KCTD1: variants seen among roughly 807,000 people sequenced by gnomAD.
KCTD1 encodes potassium channel tetramerization domain containing 1.
KCTD1 carries 24 observed loss-of-function variants against 66.0 expected under a neutral mutation model. That is an observed-to-expected ratio of 0.36 (90% CI 0.26 to 0.51). The LOEUF is 0.51. Ranked by LOEUF, KCTD1 falls within the 20% of genes least tolerant of loss-of-function variation. KCTD1 has a pLI of 0.95. For synonymous variants in KCTD1, 511 were observed against 517.2 expected (o/e 0.99, Z 0.16); for missense variants, 943 against 1,205.2 (o/e 0.78, Z 3.22).
chr18:26,526,339 C>A (rs1449903050), intron 1 of KCTD1, among the ~76,000 whole-genome samples: 2 of 152,156 alleles, frequency 1.3e-5, no homozygotes, highest in African/African-American at 4.8e-5. Context: ...AAGAAATCTG[C>A]GGGATTCCTT....
chr18:26,631,477 G>A (rs369856557), upstream of KCTD1, among the ~76,000 whole-genome samples: 19,735 of 152,052 alleles, frequency 0.13, 1,409 homozygotes, highest in Non-Finnish European at 0.15. Context: ...CATAGAAAAG[G>A]TACAGTAAAA....
At chr18:26,526,297 C>A (rs977316476) in intron 1 of KCTD1, among the ~76,000 whole-genome samples, 2 of 152,188 alleles carry the variant, frequency 1.3e-5, no homozygotes, top group African/African-American at 4.8e-5. Flanking sequence ...GCACAATGAA[C>A]CTCCCTGGGC....
chr18:26,606,489 G>C (rs1045286792), intron 1 of KCTD1, among the ~76,000 whole-genome samples: 1 of 152,198 alleles, frequency 6.6e-6, no homozygotes, highest in African/African-American at 2.4e-5. Context: ...GGCTGGCCTC[G>C]TGACTTGCTG....
At chr18:26,562,413 G>A (rs946765281) in intron 1 of KCTD1, among the ~76,000 whole-genome samples, 7 of 138,636 alleles carry the variant, frequency 5.0e-5, no homozygotes, top group Non-Finnish European at 9.3e-5. Flanking sequence ...TATTTTTTGT[G>A]TGTGAAGCCC....
chr18:26,565,990 T>C lies in KCTD1; in HGVS notation c.-16+63157A>G, dbSNP rs1410131654. 7 of 152,170 alleles carry C rather than the reference T, an allele frequency of 4.6e-5. No homozygotes were observed. The East Asian group carries it at 5.8e-4, about 13-fold the overall frequency. The allele number at this position is 152,170 out of a possible 1,614,324, so 9.4% of individuals were successfully genotyped here. ...TCTTTGACAAGTACTTTTTACTTTT[T>C]TTTCCCCCCCCAAGATAACTTTCTT... On this transcript the variant is annotated intron_variant, in intron 1 of 4. Transcript: ENST00000317932.
At chr18:26,523,666 A>G (rs1984024940) in intron 1 of KCTD1, among the ~76,000 whole-genome samples, 1 of 152,176 alleles carries the variant, frequency 6.6e-6, no homozygotes. Context: ...AAAAAATAAA[A>G]TCCAAACCAT....
At position 26,476,653 on chromosome 18, in the gene KCTD1, T is replaced by C; in HGVS notation, c.1995A>G (p.Gly665=). The C allele has an allele frequency of 6.2e-7, 1 of 1,610,942 alleles. No individual in the cohort carries two copies. Among genetic ancestry groups the C allele is most frequent in the Non-Finnish European group, 8.5e-7 (1 of 1,179,134 alleles). ...TGGGCTCTGTACCATCAAAAAGTCT[T>C]CCGATTCTGTGATAGAAAAGAGGGA... The part of the protein sequence containing the change: ...TLTKYPESRI[G]RLFDGTEPIV... The change falls in exon 3 of 5, where the codon GGA becomes GGG. Residue 665 remains glycine, a synonymous_variant. Transcript: ENST00000580059. This position sits in a 1 kb window ranked among gnomAD's most constrained non-coding sequence, Gnocchi z 4.9.
rs1476199124 is a variant in KCTD1, at chr18:26,492,362, C to T, written c.1988+8710G>A. Among the ~76,000 whole-genome samples, 7 of 151,880 alleles carry T rather than the reference C, an allele frequency of 4.6e-5. No individual in the cohort carries two copies. In the South Asian group the frequency reaches 8.3e-4, roughly 18 times the overall value. ...GAACCATCATTATGAGGCTGGGAGCCGTGGCTCATGCCTATAATCCCAGCA... is the reference window on the plus strand; with the variant it reads ...GAACCATCATTATGAGGCTGGGAGCTGTGGCTCATGCCTATAATCCCAGCA... On this transcript the variant is annotated intron_variant, in intron 2 of 4. Coordinates refer to ENST00000580059, the MANE Select transcript of KCTD1 (RefSeq NM_001142730.3).
intron 1 of KCTD1, among the ~76,000 whole-genome samples, chr18:26,607,885 A>G (rs1289720590): frequency 6.6e-6 from 1 of 152,132 alleles, no homozygotes; most frequent in Admixed American, 6.5e-5. Context: ...CCCCTGCCTT[A>G]GCCTCCCAAG....
At chr18:26,652,504 G>A (rs1295142943) in intron 1 of KCTD1, among the ~76,000 whole-genome samples, 1 of 151,654 alleles carries the variant, frequency 6.6e-6, no homozygotes, top group Non-Finnish European at 1.5e-5. Flanking sequence ...CATCTGACAT[G>A]TTTATAATAT....
At chr18:26,473,533 C>T (rs1247252568) in intron 3 of KCTD1, among the ~76,000 whole-genome samples, 1 of 151,292 alleles carries the variant, frequency 6.6e-6, no homozygotes, top group Non-Finnish European at 1.5e-5. Flanking sequence ...CAAACCTGCA[C>T]ATCCTGCACA....
chr18:26,510,721 C>A (rs187595094), intron 1 of KCTD1, among the ~76,000 whole-genome samples: 7 of 152,220 alleles, frequency 4.6e-5, no homozygotes, highest in African/African-American at 1.7e-4. Context: ...AATAGAATTT[C>A]GCATGTTTTT....
chr18:26,561,980 AG>A (rs1431146003), intron 1 of KCTD1, among the ~76,000 whole-genome samples: 11 of 152,118 alleles, frequency 7.2e-5, no homozygotes, highest in Non-Finnish European at 1.3e-4. Flanking sequence ...GGTTTGAATG[AG>A]GTTCCACTTC....
chr18:26,598,575 T>G (rs142264095), intron 1 of KCTD1, among the ~76,000 whole-genome samples: 2 of 152,276 alleles, frequency 1.3e-5, no homozygotes, highest in African/African-American at 2.4e-5. Context: ...ACTTCAAAAT[T>G]GTTTCCAAAG....
Position 26,455,865 on chromosome 18 carries a change from C to T in KCTD1, c.2476G>A (p.Val826Met), listed in dbSNP as rs770919792. The part of the protein sequence containing the change: ...ERLQQRGFEI[V>M]GSCGGGVDSS... ...TCTACTCCTCCCCCACAGGAGCCCACGATTTCAAATCCTCTTTGCTGCAAC... is the reference window on the plus strand; with the variant it reads ...TCTACTCCTCCCCCACAGGAGCCCATGATTTCAAATCCTCTTTGCTGCAAC... The change falls in exon 5 of 5, where the codon GTG becomes ATG. Residue 826 changes from valine to methionine, a missense_variant. Val to Met is a conservative substitution (Grantham distance 21). Coordinates refer to ENST00000580059, the MANE Select transcript of KCTD1 (RefSeq NM_001142730.3). The T allele has an allele frequency of 1.2e-5, 20 of 1,614,110 alleles. No homozygotes were observed. The Admixed American group carries it at 1.3e-4, about 11-fold the overall frequency.
At chr18:26,485,345 G>A (rs1981860571) in intron 2 of KCTD1, among the ~76,000 whole-genome samples, 1 of 152,176 alleles carries the variant, frequency 6.6e-6, no homozygotes, top group Non-Finnish European at 1.5e-5. Flanking sequence ...GCCCAGCTGG[G>A]ACCCACATCC....
intron 1 of KCTD1, among the ~76,000 whole-genome samples, chr18:26,514,937 G>A (rs983518726): frequency 6.6e-6 from 1 of 152,190 alleles, no homozygotes; most frequent in African/African-American, 2.4e-5. Context: ...ATCAGTGAAA[G>A]CTTAGATTAA....
chr18:26,570,191 A>ATATATATATATATAT (rs1555643816), intron 1 of KCTD1, among the ~76,000 whole-genome samples: 8 of 132,544 alleles, frequency 6.0e-5, no homozygotes, highest in East Asian at 2.4e-4. Context: ...ATCTAAAAAA[A>ATATATATATATATAT]ATATATATAT....
intron 1 of KCTD1, among the ~76,000 whole-genome samples, chr18:26,508,694 T>C (rs1160593967): frequency 6.9e-6 from 1 of 145,462 alleles, no homozygotes; most frequent in East Asian, 2.0e-4. Context: ...AATTTCAACC[T>C]GGATTTAAAT....
Sources: gnomAD v4.1 joint callset for allele counts (sites outside exome capture counted in the v4.1 genomes callset) on GRCh38, gnomAD v4.1.1 for gene constraint, Gnocchi (gnomAD v3.1) non-coding constraint, MANE v1.5 for transcripts, NCBI Gene and HGNC (gene_info 2026-07-23, HGNC 2026-07-21) for gene names.